The following FAT3 variants were observed in gnomAD, a reference collection of about 807,000 sequenced individuals.
FAT3 encodes the protein protocadherin Fat 3.
A neutral mutation model predicts 310.2 loss-of-function variants in FAT3; 95 were observed. That is an observed-to-expected ratio of 0.31 (90% CI 0.26 to 0.36). FAT3 has a LOEUF of 0.36. Ranked by LOEUF, FAT3 falls within the 10% of genes least tolerant of loss-of-function variation. FAT3 has a pLI of 1.00. For synonymous variants in FAT3, 2,314 were observed against 2,192.9 expected (o/e 1.06, Z -1.54); for missense variants, 5,408 against 5,715.6 (o/e 0.95, Z 1.74).
chr11:92,237,289 G>T (rs1864469787), intron 1 of FAT3, among the ~76,000 whole-genome samples: 1 of 152,132 alleles, frequency 6.6e-6, no homozygotes, highest in African/African-American at 2.4e-5. Context: ...GGGCAGGCTG[G>T]AGCAGTCTGT....
rs1377855203 is a variant in FAT3, at chr11:92,291,738, CT to C, written c.-17-60354del. The stretch of plus-strand genomic sequence containing the variant: ...GACTGGATTTTGGAGATTTGCAAAA[CT>C]TTTCTCACCATTGGTGCTCCAGCCA... On this transcript the variant is annotated intron_variant, in intron 1 of 27. Coordinates refer to ENST00000525166, the MANE Select transcript of FAT3 (RefSeq NM_001367949.2). Among the ~76,000 whole-genome samples the C allele has an allele frequency of 2.5e-4, 38 of 152,200 alleles. No homozygotes were observed. In the Middle Eastern group the frequency reaches 0.01, roughly 41 times the overall value.
chr11:92,229,629 C>A lies in FAT3; in HGVS notation c.-18+4455C>A, dbSNP rs536535787. Among the ~76,000 whole-genome samples the A allele has an allele frequency of 8.7e-5, 13 of 149,956 alleles. No individual in the cohort carries two copies. In the South Asian group the frequency reaches 1.7e-3, roughly 19 times the overall value. The stretch of plus-strand genomic sequence containing the variant: ...TGACACAGACTGCATTTATTGAGAA[C>A]ATATTTGACACTTGTCTAGTGGCTT... On this transcript the variant is annotated intron_variant, in intron 1 of 27. Transcript: ENST00000525166.
At chr11:92,305,699 A>G (rs1947099823) in intron 1 of FAT3, among the ~76,000 whole-genome samples, 1 of 152,168 alleles carries the variant, frequency 6.6e-6, no homozygotes, top group Non-Finnish European at 1.5e-5. Context: ...ACTAATAGTG[A>G]GGTGATATCA....
chr11:92,804,296 C>G (rs1484208779), intron 10 of FAT3, among the ~76,000 whole-genome samples: 1 of 151,882 alleles, frequency 6.6e-6, no homozygotes, highest in Non-Finnish European at 1.5e-5. Flanking sequence ...TCCTGACTTA[C>G]CGCCAGTGGT....
intron 4 of FAT3, among the ~76,000 whole-genome samples, chr11:92,746,119 T>C (rs1945659198): frequency 6.6e-6 from 1 of 152,246 alleles, no homozygotes; most frequent in Non-Finnish European, 1.5e-5. Context: ...CACAACTTTT[T>C]AGGCAAAATG....
At chr11:92,392,379 GA>G (rs1424911464) in intron 2 of FAT3, among the ~76,000 whole-genome samples, 2 of 152,092 alleles carry the variant, frequency 1.3e-5, no homozygotes, top group African/African-American at 2.4e-5. Context: ...AAGAGATGAA[GA>G]AATAAGGTTT....
At chr11:92,831,470 A>C (rs962446283) in intron 13 of FAT3, among the ~76,000 whole-genome samples, 152 bp from the exon 14 acceptor site, 2 of 152,142 alleles carry the variant, frequency 1.3e-5, no homozygotes, top group Non-Finnish European at 2.9e-5. Flanking sequence ...CCATAAACTG[A>C]AATTTACATT....
intron 2 of FAT3, among the ~76,000 whole-genome samples, chr11:92,405,933 ATTGTT>A (rs1406738748): frequency 6.6e-6 from 1 of 152,168 alleles, no homozygotes; most frequent in Admixed American, 6.5e-5. Flanking sequence ...CTTTAGCAAA[ATTGTT>A]TTGTTTTGAG....
At chr11:92,858,791 T>G (rs192088306) in intron 20 of FAT3, among the ~76,000 whole-genome samples, 10 of 152,300 alleles carry the variant, frequency 6.6e-5, no homozygotes, top group Admixed American at 6.5e-4. Flanking sequence ...AGTTCTCGAA[T>G]GCCTAAGTGA....
chr11:92,669,418 C>T (rs1376780755), intron 3 of FAT3, among the ~76,000 whole-genome samples: 2 of 152,218 alleles, frequency 1.3e-5, no homozygotes, highest in African/African-American at 4.8e-5. Flanking sequence ...CAATACTCAA[C>T]AGCTCCCTTT....
intron 1 of FAT3, among the ~76,000 whole-genome samples, chr11:92,293,552 A>G (rs1007192613): frequency 1.1e-4 from 2 of 18,086 alleles, no homozygotes; most frequent in African/African-American, 3.2e-4. Context: ...ATATATATAT[A>G]AATAAAATAT....
chr11:92,394,820 C>A (rs746644110), intron 2 of FAT3, among the ~76,000 whole-genome samples: 1 of 152,106 alleles, frequency 6.6e-6, no homozygotes, highest in Non-Finnish European at 1.5e-5. Context: ...TTCGTACTTA[C>A]CAGTTATACA....
intron 3 of FAT3, among the ~76,000 whole-genome samples, chr11:92,662,041 G>A (rs937469704): frequency 6.6e-5 from 10 of 152,012 alleles, no homozygotes; most frequent in South Asian, 2.1e-4. Flanking sequence ...ATATTATTAC[G>A]ACTGTTATTA....
rs1947680648 is a variant in FAT3, at chr11:92,811,795, ACTC to A, written c.9481+1720_9481+1722del. Among the ~76,000 whole-genome samples the A allele has an allele frequency of 3.3e-5, 5 of 152,272 alleles. No homozygotes were observed. In the South Asian group the frequency reaches 1.0e-3, roughly 32 times the overall value. On this transcript the variant is annotated intron_variant, in intron 13 of 27. Coordinates refer to ENST00000525166, the MANE Select transcript of FAT3 (RefSeq NM_001367949.2). The stretch of plus-strand genomic sequence containing the variant: ...CTGCTGGCATCTATGTATAAAGTAT[ACTC>A]ACCAGGCCATTGCATCAGCCACAGG...
At chr11:92,369,131 A>G (rs1386691681) in intron 2 of FAT3, among the ~76,000 whole-genome samples, 1 of 152,174 alleles carries the variant, frequency 6.6e-6, no homozygotes, top group Non-Finnish European at 1.5e-5. Context: ...GGGGAAAGAG[A>G]ATAGAAATTT....
chr11:92,873,515 A>C (rs1186883125), intron 22 of FAT3, among the ~76,000 whole-genome samples: 1 of 152,238 alleles, frequency 6.6e-6, no homozygotes, highest in Non-Finnish European at 1.5e-5. Flanking sequence ...TAGAGCGTTT[A>C]AGCCATAACC....
chr11:92,358,836 A>C (rs1293826807), intron 2 of FAT3, among the ~76,000 whole-genome samples: 2 of 152,238 alleles, frequency 1.3e-5, no homozygotes, highest in African/African-American at 2.4e-5. Flanking sequence ...AGTTGCCAGC[A>C]GAATGAAAAG....
At chr11:92,315,715 T>G (rs1304929320) in intron 1 of FAT3, among the ~76,000 whole-genome samples, 1 of 151,158 alleles carries the variant, frequency 6.6e-6, no homozygotes, top group Non-Finnish European at 1.5e-5. Context: ...AGAGACAGGG[T>G]TTCTCCATGT....
chr11:92,450,529 T>C (rs1008410303), intron 2 of FAT3, among the ~76,000 whole-genome samples: 2 of 152,118 alleles, frequency 1.3e-5, no homozygotes, highest in African/African-American at 4.8e-5. Flanking sequence ...AAGGCCTTGG[T>C]TCCAACACAA....
Sources: gnomAD v4.1 joint callset for allele counts (sites outside exome capture counted in the v4.1 genomes callset) on GRCh38, gnomAD v4.1.1 for gene constraint, MANE v1.5 for transcripts, NCBI Gene and HGNC (gene_info 2026-07-23, HGNC 2026-07-21) for gene names.